The following NRXN3 variants were observed in gnomAD, a reference collection of about 807,000 sequenced individuals.
NRXN3 encodes the protein neurexin III.
A neutral mutation model predicts 137.6 loss-of-function variants in NRXN3; 32 were observed. The observed-to-expected ratio is 0.23, with a 90% CI of 0.18 to 0.31. NRXN3 has a LOEUF of 0.31. Ranked by LOEUF, NRXN3 falls within the 10% of genes least tolerant of loss-of-function variation. The pLI, the probability that NRXN3 is intolerant of heterozygous loss-of-function variation, is 1.00. For synonymous variants in NRXN3, 798 were observed against 784.5 expected (o/e 1.02, Z -0.29); for missense variants, 1,574 against 2,062.5 (o/e 0.76, Z 4.59).
chr14:78,587,371 T>G (rs1310062800), intron 4 of NRXN3, among the ~76,000 whole-genome samples: 2 of 152,166 alleles, frequency 1.3e-5, no homozygotes, highest in Non-Finnish European at 2.9e-5. Flanking sequence ...AAATCCTCGG[T>G]GCACCCCCAA....
At chr14:79,230,815 T>G (rs1046022366) in intron 15 of NRXN3, among the ~76,000 whole-genome samples, 1 of 152,132 alleles carries the variant, frequency 6.6e-6, no homozygotes, top group African/African-American at 2.4e-5. Flanking sequence ...GGGGTCATGA[T>G]GCTTGCTAGT....
chr14:79,813,302 ATACAGATATATCTATCCG>A (rs2099241251), intron 20 of NRXN3, among the ~76,000 whole-genome samples: 1 of 152,206 alleles, frequency 6.6e-6, no homozygotes, highest in Non-Finnish European at 1.5e-5. Context: ...AGAAAAAATT[ATACAGATATATCTATCCG>A]TATATGCACA....
At chr14:79,858,341 T>C (rs1210307864) in intron 20 of NRXN3, among the ~76,000 whole-genome samples, 1 of 152,196 alleles carries the variant, frequency 6.6e-6, no homozygotes, top group East Asian at 1.9e-4. Context: ...AAGACTCCGG[T>C]TGGGTGTCAC....
intron 15 of NRXN3, among the ~76,000 whole-genome samples, chr14:79,219,988 G>A (rs1160945435): frequency 2.4e-4 from 36 of 152,162 alleles, no homozygotes; most frequent in Admixed American, 2.4e-3. Context: ...CTTATGAGAA[G>A]CTACTTTATA....
At chr14:78,987,941 G>A (rs2099510423) in intron 14 of NRXN3, 81 bp from the exon 15 acceptor site, 1 of 1,458,518 alleles carries the variant, frequency 6.9e-7, no homozygotes, top group African/African-American at 1.4e-5. Flanking sequence ...GGTAAATTCA[G>A]GTGATTTCCT....
chr14:78,420,178 G>A (rs1281100204), intron 4 of NRXN3, among the ~76,000 whole-genome samples: 5 of 152,152 alleles, frequency 3.3e-5, no homozygotes, highest in Admixed American at 1.3e-4. Flanking sequence ...TGTGAACAAT[G>A]TTTTGGTAGA....
chr14:78,926,919 T>A (rs1267066927), intron 10 of NRXN3, among the ~76,000 whole-genome samples: 3 of 31,182 alleles, frequency 9.6e-5, no homozygotes, highest in Non-Finnish European at 1.4e-4. Context: ...AATATATATA[T>A]AATATATAAT....
chr14:78,204,625 C>T (rs2062008212), intron 1 of NRXN3, among the ~76,000 whole-genome samples: 1 of 151,708 alleles, frequency 6.6e-6, no homozygotes, highest in African/African-American at 2.4e-5. Flanking sequence ...AAGCTATAAA[C>T]TATGTATATT....
chr14:78,730,804 TA>T (rs2098511591), intron 8 of NRXN3, among the ~76,000 whole-genome samples: 1 of 152,224 alleles, frequency 6.6e-6, no homozygotes, highest in Non-Finnish European at 1.5e-5. Context: ...TGCACTGGTA[TA>T]TCAATCTCTA....
rs1012236980 is a variant in NRXN3 at position 79,259,154 on chromosome 14, G to A, written c.3263-208067G>A. Reference sequence around the variant, plus strand: ...CTGTGTAGTCACCATGTGACCACTTGTAAAACAGTCCCAGCATCCCATCTT... The same window carrying A: ...CTGTGTAGTCACCATGTGACCACTTATAAAACAGTCCCAGCATCCCATCTT... On this transcript the variant is annotated intron_variant, in intron 15 of 20. Transcript: ENST00000335750. Among the ~76,000 whole-genome samples the A allele has an allele frequency of 2.0e-4, 31 of 152,308 alleles. 1 individual carries two copies. The highest frequency in any genetic ancestry group is 7.0e-4 in the African/African-American group (29 of 41,570).
At chr14:79,093,067 C>A (rs1472550631) in intron 15 of NRXN3, among the ~76,000 whole-genome samples, 8 of 152,132 alleles carry the variant, frequency 5.3e-5, no homozygotes, top group Admixed American at 1.3e-4. Flanking sequence ...ATTCATAGGG[C>A]AGACAGTGAA....
chr14:79,604,320 T>C lies in NRXN3; in HGVS notation c.3445-59458T>C, dbSNP rs199744471. On this transcript the variant is annotated intron_variant, in intron 16 of 20. Transcript: ENST00000335750. ...TGTGATCTCAGCTCACTACAAACTC[T>C]GCCTCCTGGGTTCAAGCAATTCTCA... is the stretch of plus-strand genomic sequence containing the variant. 1.7e-4 allele frequency among the ~76,000 whole-genome samples: 26 copies of C among 152,086 alleles called. No individual in the cohort carries two copies. The East Asian group carries it at 3.5e-3, about 21-fold the overall frequency.
Position 79,697,927 on chromosome 14 carries a change from C to A in NRXN3, c.4004C>A (p.Ala1335Asp). 1 of 1,609,482 alleles carries A rather than the reference C, an allele frequency of 6.2e-7. No individual in the cohort carries two copies. Among genetic ancestry groups the A allele is most frequent in the Non-Finnish European group, 8.5e-7 (1 of 1,176,302 alleles). ...ACAACCCGTAAGAATCGCTCTACAG[C>A]CAGCATTCAGGTAGGCCTTTTTCCA... The part of the protein sequence containing the change: ...TTTTRKNRST[A>D]SIQPTSDDLV... The change falls in exon 19 of 21, where the codon GCC becomes GAC. Residue 1335 changes from alanine to aspartate, a missense_variant. Physicochemically the swap from Ala to Asp is moderately radical, Grantham distance 126. This residue lies in a region of NRXN3 where 320 missense variants were observed against 387.1 expected (regional missense o/e 0.83). Coordinates refer to ENST00000335750, the MANE Select transcript of NRXN3 (RefSeq NM_001330195.2).
chr14:78,543,346 A>C (rs2096609429), intron 4 of NRXN3, among the ~76,000 whole-genome samples: 1 of 152,196 alleles, frequency 6.6e-6, no homozygotes, highest in African/African-American at 2.4e-5. Flanking sequence ...GGAAGTCTTG[A>C]GCTTTTGGAT....
intron 15 of NRXN3, among the ~76,000 whole-genome samples, chr14:78,998,762 C>CTTTTTTTTT (rs1237108042): frequency 1.7e-5 from 2 of 119,806 alleles, no homozygotes; most frequent in Non-Finnish European, 3.5e-5. Context: ...CCATGCCCAG[C>CTTTTTTTTT]TTTTTTTTTT....
intron 15 of NRXN3, among the ~76,000 whole-genome samples, chr14:79,431,389 G>A (rs1419501916): frequency 6.6e-6 from 1 of 152,150 alleles, no homozygotes; most frequent in Non-Finnish European, 1.5e-5. Flanking sequence ...ATATAGTATA[G>A]AGAGTATATT....
At chr14:79,522,336 A>G (rs1338037046) in intron 16 of NRXN3, among the ~76,000 whole-genome samples, 1 of 152,140 alleles carries the variant, frequency 6.6e-6, no homozygotes, top group Non-Finnish European at 1.5e-5. Context: ...AACTGTTCAT[A>G]TTAAGAGGGG....
intron 15 of NRXN3, among the ~76,000 whole-genome samples, chr14:79,429,727 C>A (rs901981039): frequency 1.3e-5 from 2 of 152,172 alleles, no homozygotes; most frequent in Non-Finnish European, 2.9e-5. Context: ...TTACCCAGAT[C>A]TATCGTCACC....
chr14:79,556,937 C>A (rs1224671964), intron 16 of NRXN3, among the ~76,000 whole-genome samples: 1 of 152,150 alleles, frequency 6.6e-6, no homozygotes, highest in Non-Finnish European at 1.5e-5. Context: ...TCCCTCCTGC[C>A]CCCTGCAAAA....
Sources: allele counts gnomAD v4.1 joint callset (sites outside exome capture counted in the v4.1 genomes callset), GRCh38; gene constraint gnomAD v4.1.1; regional missense constraint gnomAD v4.1.1; transcripts MANE v1.5; gene names NCBI Gene and HGNC (gene_info 2026-07-23, HGNC 2026-07-21).